Variants in CAST observed in about 807,000 individuals in gnomAD.
The protein encoded by CAST is MIR583 host.
CAST carries 76 observed loss-of-function variants against 119.6 expected under a neutral mutation model. That is an observed-to-expected ratio of 0.64 (90% CI 0.53 to 0.77). The LOEUF is 0.77. Among genes scored for constraint, CAST ranks in the 30% least tolerant of loss-of-function variants. The pLI is 0.00. For synonymous variants in CAST, 319 were observed against 331.6 expected, an observed-to-expected ratio of 0.96 and a Z score of 0.41; for missense variants, 953 against 946.5, an observed-to-expected ratio of 1.01 and a Z score of -0.09.
intron 1 of CAST, among the ~76,000 whole-genome samples, chr5:96,537,634 C>A (rs1263222837): frequency 6.6e-6 from 1 of 152,210 alleles, no homozygotes; most frequent in South Asian, 2.1e-4. Context: ...AACCTCATCT[C>A]ATTTCACTGT....
the CAST span, among the ~76,000 whole-genome samples, chr5:96,514,427 T>G: frequency 1.1e-3 from 167 of 152,222 alleles, 5 homozygotes; most frequent in East Asian, 0.018. Flanking sequence ...GCCCAAGTAT[T>G]TGCTTATTAT....
chr5:96,627,069 C>T (rs1747737141), intron 1 of CAST, among the ~76,000 whole-genome samples: 1 of 152,146 alleles, frequency 6.6e-6, no homozygotes, highest in Non-Finnish European at 1.5e-5. Context: ...AGCTACATGT[C>T]AAGGTTAAAA....
At chr5:96,407,028 C>G in the CAST span, among the ~76,000 whole-genome samples, 28,678 of 151,914 alleles carry the variant, frequency 0.19, 3,340 homozygotes, top group Middle Eastern at 0.24. Context: ...ACATCATACA[C>G]TAAAATAAAT....
the CAST span, chr5:96,079,149 T>C: frequency 2.1e-6 from 1 of 475,780 alleles, no homozygotes; most frequent in Non-Finnish European, 4.4e-6. Context: ...ACTCACACAT[T>C]AACCAAAGAG....
chr5:96,312,464 C>T, the CAST span, among the ~76,000 whole-genome samples: 4 of 152,068 alleles, frequency 2.6e-5, no homozygotes, highest in Admixed American at 2.0e-4. Flanking sequence ...AAGAAGCACT[C>T]CCCTGTCTAT....
chr5:96,545,013 C>T (rs1016531902), intron 1 of CAST, among the ~76,000 whole-genome samples: 3 of 152,074 alleles, frequency 2.0e-5, no homozygotes, highest in East Asian at 1.9e-4. Context: ...TAATGACAAA[C>T]GGGGCATTAT....
chr5:96,462,277 C>T, the CAST span, among the ~76,000 whole-genome samples: 2 of 152,102 alleles, frequency 1.3e-5, no homozygotes, highest in Non-Finnish European at 2.9e-5. Flanking sequence ...TCTACTATCA[C>T]TTCTTTGGCA....
chr5:96,728,410 T>A lies in CAST; in HGVS notation c.379-743T>A, dbSNP rs568687232. On this transcript the variant is annotated intron_variant, in intron 6 of 31. Coordinates refer to ENST00000675179, the MANE Select transcript of CAST (RefSeq NM_001750.7). ...TCTACTGAATCGCAAGAAAATTGGG[T>A]TTCTGGTGGTAAGATCTTCTCTACT... 29 of 152,242 alleles carry A rather than the reference T, an allele frequency of 1.9e-4. 1 individual carries two copies. The South Asian group carries it at 6.0e-3, about 32-fold the overall frequency. The allele number at this position is 152,242 out of a possible 1,614,324, so 9.4% of individuals were successfully genotyped here. A position where few individuals can be genotyped will look rare whatever the true frequency, so the allele number is the denominator to read the frequency against.
chr5:96,327,859 C>T, the CAST span, among the ~76,000 whole-genome samples: 8 of 152,180 alleles, frequency 5.3e-5, no homozygotes, highest in African/African-American at 1.9e-4. Flanking sequence ...CTCTGTTGAT[C>T]TCACTCAGCC....
chr5:96,093,072 G>A, the CAST span, among the ~76,000 whole-genome samples: 3 of 152,142 alleles, frequency 2.0e-5, no homozygotes, highest in South Asian at 4.2e-4. Context: ...ATTGATGTGT[G>A]AAGATTGATA....
At chr5:96,230,648 G>T in the CAST span, among the ~76,000 whole-genome samples, 1 of 152,020 alleles carries the variant, frequency 6.6e-6, no homozygotes, top group South Asian at 2.1e-4. Context: ...TGTTAACTTG[G>T]TCTTCACCAA....
At chr5:96,260,867 C>A in the CAST span, among the ~76,000 whole-genome samples, 2 of 152,156 alleles carry the variant, frequency 1.3e-5, no homozygotes, top group Non-Finnish European at 2.9e-5. Flanking sequence ...CAAAGTTGAC[C>A]AAGTCAGTGT....
At chr5:96,549,389 G>A (rs532399872) in intron 1 of CAST, among the ~76,000 whole-genome samples, 5 of 152,320 alleles carry the variant, frequency 3.3e-5, no homozygotes, top group Non-Finnish European at 7.3e-5. Flanking sequence ...AAAATTGTAG[G>A]TAGATAAAAA....
intron 15 of CAST, 109 bp downstream of exon 15, chr5:96,741,689 C>G: frequency 1.4e-6 from 1 of 710,846 alleles, no homozygotes; most frequent in Admixed American, 2.5e-5. Context: ...GATTTTTTCC[C>G]TCTCAGGTCT....
At chr5:96,203,931 C>T in the CAST span, among the ~76,000 whole-genome samples, 2 of 152,028 alleles carry the variant, frequency 1.3e-5, no homozygotes, top group East Asian at 1.9e-4. Context: ...ACAAATAGAC[C>T]GGGCTGATGA....
chr5:95,990,640 G>A, the CAST span, among the ~76,000 whole-genome samples: 1 of 151,960 alleles, frequency 6.6e-6, no homozygotes, highest in African/African-American at 2.4e-5. Context: ...ACATTATAAT[G>A]TCAAAAACTT....
At chr5:96,179,793 T>C in the CAST span, among the ~76,000 whole-genome samples, 9 of 152,094 alleles carry the variant, frequency 5.9e-5, no homozygotes, top group Non-Finnish European at 1.0e-4. Context: ...TCCCAGCACT[T>C]TGGGAGGCCG....
At chr5:96,554,580 C>A (rs1350817405) in intron 1 of CAST, among the ~76,000 whole-genome samples, 3 of 152,190 alleles carry the variant, frequency 2.0e-5, no homozygotes, top group Middle Eastern at 3.2e-3. Flanking sequence ...TAAAGAGCTT[C>A]TGCACAGCAA....
At chr5:96,741,403 T>C in intron 14 of CAST, 45 bp downstream of exon 14, 2 of 1,497,774 alleles carry the variant, frequency 1.3e-6, no homozygotes, top group Non-Finnish European at 1.9e-6. Context: ...AGGAACTATT[T>C]TGAACTTTAA....
Sources: allele counts gnomAD v4.1 joint callset (sites outside exome capture counted in the v4.1 genomes callset), GRCh38; gene constraint gnomAD v4.1.1; transcripts MANE v1.5; gene names NCBI Gene and HGNC (gene_info 2026-07-23, HGNC 2026-07-21).